PCDH7: variants seen among roughly 807,000 people sequenced by gnomAD.
The protein encoded by PCDH7 is protocadherin 7, also known as protocadherin-7.
In PCDH7, 17 loss-of-function variants were observed where a neutral mutation model predicts 58.9. The observed-to-expected ratio is 0.29, with a 90% CI of 0.20 to 0.43. The LOEUF is 0.43. Ranked by LOEUF, PCDH7 falls within the 20% of genes least tolerant of loss-of-function variation. PCDH7 has a pLI of 1.00. For missense variants in PCDH7, 1,274 were observed against 1,441.0 expected, an observed-to-expected ratio of 0.88 and a Z score of 1.88; for synonymous variants, 664 against 616.4, an observed-to-expected ratio of 1.08 and a Z score of -1.14.
At chr4:30,731,149 C>T (rs1258956982) in exon 2 of PCDH7, 2 of 1,015,182 alleles carry the variant, frequency 2.0e-6, no homozygotes, top group East Asian at 9.1e-5. Context: ...AAGGGAAATT[C>T]AGCCTCTTAT....
intron 1 of PCDH7, among the ~76,000 whole-genome samples, chr4:30,806,635 G>A (rs769340408): frequency 7.3e-5 from 11 of 150,996 alleles, no homozygotes; most frequent in East Asian, 2.0e-4. Flanking sequence ...CTTTGCACTC[G>A]TTATTCTTCT....
intron 3 of PCDH7, among the ~76,000 whole-genome samples, chr4:31,044,553 C>T (rs1198503222): frequency 6.6e-6 from 1 of 151,992 alleles, no homozygotes; most frequent in East Asian, 1.9e-4. Context: ...AGGCTAACAA[C>T]TTTCAATTTT....
chr4:30,867,621 G>T (rs1735038298), intron 1 of PCDH7, among the ~76,000 whole-genome samples: 1 of 152,042 alleles, frequency 6.6e-6, no homozygotes, highest in Admixed American at 6.6e-5. Context: ...TGAGAGCCTG[G>T]CACACAGCCT....
chr4:31,027,198 C>T (rs1258263882), intron 3 of PCDH7, among the ~76,000 whole-genome samples: 1 of 151,978 alleles, frequency 6.6e-6, no homozygotes, highest in African/African-American at 2.4e-5. Flanking sequence ...AATTAATCCC[C>T]CCAAGGACTC....
chr4:30,770,944 C>T (rs1003850586), intron 1 of PCDH7, among the ~76,000 whole-genome samples: 2 of 152,130 alleles, frequency 1.3e-5, no homozygotes, highest in Admixed American at 1.3e-4. Context: ...TTTCCCACCA[C>T]AGAACACCAC....
At chr4:30,726,280 T>A (rs755225857) in intron 1 of PCDH7, among the ~76,000 whole-genome samples, 1 of 151,884 alleles carries the variant, frequency 6.6e-6, no homozygotes, top group Admixed American at 6.6e-5. Context: ...TGCAAAGGAG[T>A]GTGAAGAGAT....
intron 3 of PCDH7, among the ~76,000 whole-genome samples, chr4:30,988,689 G>T (rs1467357463): frequency 1.3e-5 from 2 of 152,084 alleles, no homozygotes; most frequent in African/African-American, 2.4e-5. Context: ...TTACTTTGAT[G>T]TTGTAGCAAT....
At chr4:30,785,823 G>C (rs1030262634) in intron 1 of PCDH7, among the ~76,000 whole-genome samples, 2 of 151,750 alleles carry the variant, frequency 1.3e-5, no homozygotes, top group African/African-American at 4.8e-5. Context: ...AAGCACTTTG[G>C]GCAGTGAAAT....
intron 3 of PCDH7, among the ~76,000 whole-genome samples, chr4:31,028,667 A>T (rs1057171920): frequency 1.3e-5 from 2 of 152,074 alleles, no homozygotes; most frequent in South Asian, 4.1e-4. Context: ...CAAAAAAAAA[A>T]AAAAATACCC....
At chr4:30,948,907 C>T (rs942800162) in intron 2 of PCDH7, among the ~76,000 whole-genome samples, 13 of 152,140 alleles carry the variant, frequency 8.5e-5, no homozygotes, top group African/African-American at 3.1e-4. Context: ...CCTGTCTAAA[C>T]AGGATTAAGG....
chr4:31,030,832 A>G lies in PCDH7; in HGVS notation c.*7+80617A>G, dbSNP rs182644205. Among the ~76,000 whole-genome samples, 436 of 152,328 alleles carry G rather than the reference A, an allele frequency of 2.9e-3. 7 individuals carry two copies. Among genetic ancestry groups the G allele is most frequent in the Non-Finnish European group, 3.4e-3 (233 of 68,026 alleles). The stretch of plus-strand genomic sequence containing the variant: ...TCATGTTTTGCTTTTTTAAAAAACT[A>G]CAAGACAGTTGTATAGGGGCAAAGA... On this transcript the variant is annotated intron_variant, in intron 3 of 3. Coordinates refer to the PCDH7 transcript ENST00000509759.
At chr4:31,096,209 G>C (rs1479118234) in intron 3 of PCDH7, among the ~76,000 whole-genome samples, 3 of 152,078 alleles carry the variant, frequency 2.0e-5, no homozygotes, top group African/African-American at 7.2e-5. Flanking sequence ...AGAAATTTGG[G>C]GGAAGTTAGA....
At chr4:31,060,285 A>G (rs1757583984) in intron 3 of PCDH7, among the ~76,000 whole-genome samples, 1 of 151,786 alleles carries the variant, frequency 6.6e-6, no homozygotes, top group African/African-American at 2.4e-5. Context: ...TTAAATGACT[A>G]AGACCGTACT....
chr4:31,085,853 CTTT>C (rs10650645), intron 3 of PCDH7, among the ~76,000 whole-genome samples: 1 of 138,942 alleles, frequency 7.2e-6, no homozygotes. Context: ...CTCTCTCTCT[CTTT>C]TTTTTTTTTT....
chr4:31,037,815 A>C (rs1016589741), intron 3 of PCDH7, among the ~76,000 whole-genome samples: 1 of 152,184 alleles, frequency 6.6e-6, no homozygotes, highest in Non-Finnish European at 1.5e-5. Context: ...TTTGCTTTAA[A>C]TGCTGGAAAC....
At chr4:31,093,705 G>A (rs559305264) in intron 3 of PCDH7, among the ~76,000 whole-genome samples, 40 of 152,128 alleles carry the variant, frequency 2.6e-4, no homozygotes, top group African/African-American at 9.2e-4. Flanking sequence ...AGTCATCTTT[G>A]GTTTCTCCTA....
At chr4:30,841,343 G>T (rs891713335) in intron 1 of PCDH7, among the ~76,000 whole-genome samples, 6 of 152,088 alleles carry the variant, frequency 3.9e-5, no homozygotes, top group South Asian at 2.1e-4. Context: ...ATTTCATCTT[G>T]ATATAATGAG....
chr4:30,763,944 C>A (rs1720368399), intron 1 of PCDH7, among the ~76,000 whole-genome samples: 1 of 152,072 alleles, frequency 6.6e-6, no homozygotes, highest in Non-Finnish European at 1.5e-5. Context: ...GAGGTGCTAC[C>A]AAATGTATGT....
At chr4:31,056,863 A>T (rs551838874) in intron 3 of PCDH7, among the ~76,000 whole-genome samples, 99 of 152,318 alleles carry the variant, frequency 6.5e-4, no homozygotes, top group Admixed American at 1.1e-3. Flanking sequence ...TACAGGCATG[A>T]GCCACCACAC....
Sources: allele counts gnomAD v4.1 joint callset (sites outside exome capture counted in the v4.1 genomes callset), GRCh38; gene constraint gnomAD v4.1.1; transcripts MANE v1.5; gene names NCBI Gene and HGNC (gene_info 2026-07-23, HGNC 2026-07-21).